Variants in ENTPD5 observed in about 807,000 individuals in gnomAD.
ENTPD5 encodes the protein nucleoside diphosphate phosphatase ENTPD5.
A neutral mutation model predicts 60.2 loss-of-function variants in ENTPD5; 49 were observed. The ratio of observed to expected loss-of-function variants is 0.81; its 90% CI spans 0.65 to 1.03. ENTPD5 has a LOEUF of 1.03. Among genes scored for constraint, ENTPD5 ranks in the 50% least tolerant of loss-of-function variants. ENTPD5 has a pLI of 0.00. For missense variants in ENTPD5, 480 were observed against 507.6 expected, an observed-to-expected ratio of 0.95 and a Z score of 0.52; for synonymous variants, 187 against 185.4, an observed-to-expected ratio of 1.01 and a Z score of -0.07.
At chr14:74,010,293 G>A (rs560990568) in intron 3 of ENTPD5, among the ~76,000 whole-genome samples, 5 of 152,226 alleles carry the variant, frequency 3.3e-5, no homozygotes, top group East Asian at 1.9e-4. Context: ...AGTGGCTCAC[G>A]CCTGTAATCC....
chr14:73,984,339 G>A (rs1236896724), intron 5 of ENTPD5, among the ~76,000 whole-genome samples: 1 of 152,202 alleles, frequency 6.6e-6, no homozygotes, highest in East Asian at 1.9e-4. Context: ...TCAAGTGTGG[G>A]ATGGTAGATA....
downstream of ENTPD5, chr14:73,958,676 G>A: frequency 7.5e-7 from 1 of 1,329,748 alleles, no homozygotes; most frequent in Non-Finnish European, 9.7e-7. Context: ...GCTCCAGTGT[G>A]TGCCCCATAC....
At chr14:73,988,873 G>C (rs2058017949) in intron 3 of ENTPD5, among the ~76,000 whole-genome samples, 1 of 152,056 alleles carries the variant, frequency 6.6e-6, no homozygotes, top group Admixed American at 6.6e-5. Flanking sequence ...GCCCAGGCTG[G>C]AATGCAGTGG....
rs35225003 is a variant in ENTPD5, at chr14:74,009,793, AT to A, written c.-71+1297del. ...CCCAGATAATTTTTGCATGTTTTCG[AT>A]TTTTTTTTTTTGAGACGGAGTCTCG... On this transcript the variant is annotated intron_variant, in intron 3 of 15. Transcript: ENST00000334696. Among the ~76,000 whole-genome samples the A allele has an allele frequency of 5.0e-3, 743 of 149,502 alleles. 3 individuals carry two copies. Among genetic ancestry groups the A allele is most frequent in the African/African-American group, 0.015 (623 of 40,562 alleles).
intron 2 of ENTPD5, among the ~76,000 whole-genome samples, chr14:74,013,688 G>T (rs1195710312): frequency 6.6e-6 from 1 of 152,040 alleles, no homozygotes; most frequent in Non-Finnish European, 1.5e-5. Context: ...TGACAATAAG[G>T]TTGTATATTC....
intron 6 of ENTPD5, among the ~76,000 whole-genome samples, chr14:73,978,985 A>T (rs2057559553): frequency 6.6e-6 from 1 of 152,090 alleles, no homozygotes; most frequent in African/African-American, 2.4e-5. Context: ...AACACCCCTT[A>T]ACCCTGCCTC....
chr14:73,995,052 T>A (rs2058289398), intron 3 of ENTPD5, among the ~76,000 whole-genome samples: 1 of 150,802 alleles, frequency 6.6e-6, no homozygotes, highest in Admixed American at 6.6e-5. Context: ...GGCAGAATTT[T>A]TTTTTTTTTT....
downstream of ENTPD5, chr14:73,962,868 C>T: frequency 9.9e-7 from 1 of 1,006,370 alleles, no homozygotes; most frequent in Non-Finnish European, 1.5e-6. Flanking sequence ...TGAAATAAAA[C>T]AAGGACACTT....
At chr14:74,018,626 AC>A (rs2140908237) in intron 1 of ENTPD5, 1 of 152,318 alleles carries the variant, frequency 6.6e-6, no homozygotes, top group African/African-American at 2.4e-5. Context: ...AAGGCTGCGG[AC>A]CGGTATTAGC....
intron 3 of ENTPD5, among the ~76,000 whole-genome samples, chr14:74,002,771 T>C (rs2058550721): frequency 6.6e-6 from 1 of 152,170 alleles, no homozygotes; most frequent in South Asian, 2.1e-4. Context: ...ACCAAAGTCA[T>C]CCTTTAATAT....
chr14:73,999,169 C>A (rs1566756246), intron 3 of ENTPD5, among the ~76,000 whole-genome samples: 1 of 152,106 alleles, frequency 6.6e-6, no homozygotes, highest in Non-Finnish European at 1.5e-5. Context: ...ATAAAAATAA[C>A]CGTAACTTTT....
At chr14:73,955,533 T>C, downstream of ENTPD5, 2 of 1,607,008 alleles carry the variant, frequency 1.2e-6, no homozygotes, top group Non-Finnish European at 1.7e-6. Flanking sequence ...TTTTCAATTT[T>C]GTCAAGATGT....
At chr14:73,978,894 G>C (rs1236907355) in intron 6 of ENTPD5, among the ~76,000 whole-genome samples, 1 of 151,180 alleles carries the variant, frequency 6.6e-6, no homozygotes, top group Admixed American at 6.6e-5. Flanking sequence ...TGGGCAACAA[G>C]AGCAAAATTC....
At position 73,975,902 on chromosome 14, in the gene ENTPD5, A is replaced by G. The variant is rs377009322; in HGVS notation, c.722+34T>C. 3.4e-5 allele frequency: 50 copies of G among 1,491,160 alleles called. No individual in the cohort carries two copies. In the African/African-American group the frequency reaches 6.7e-4, roughly 20 times the overall value. The allele number at this position is 1,491,160 out of a possible 1,614,324, so 92.4% of individuals were successfully genotyped here. A position where few individuals can be genotyped will look rare whatever the true frequency, so the allele number is the denominator to read the frequency against. ...TGGAAAGTTAGGAGAATCATACAAC[A>G]TGAAATATTCTTCTTCCCTGTCCCC... On this transcript the variant is annotated intron_variant, in intron 10 of 15. Transcript: ENST00000334696.
intron 3 of ENTPD5, chr14:74,008,996 G>A (rs1320054069): frequency 6.6e-6 from 1 of 152,122 alleles, no homozygotes; most frequent in African/African-American, 2.4e-5. Flanking sequence ...CATTAGACAC[G>A]TGTCAAAAAG....
At chr14:74,011,524 C>T (rs1259300619) in intron 2 of ENTPD5, among the ~76,000 whole-genome samples, 2 of 152,162 alleles carry the variant, frequency 1.3e-5, no homozygotes, top group Non-Finnish European at 2.9e-5. Context: ...AGACTGGGCG[C>T]AGCAACTCAC....
chr14:73,997,137 G>T (rs1413192145), intron 3 of ENTPD5, among the ~76,000 whole-genome samples: 1 of 152,092 alleles, frequency 6.6e-6, no homozygotes, highest in African/African-American at 2.4e-5. Flanking sequence ...ATTATCCTGG[G>T]AAAATGACAC....
chr14:74,004,857 T>C (rs1054979052), intron 3 of ENTPD5, among the ~76,000 whole-genome samples: 2 of 152,046 alleles, frequency 1.3e-5, no homozygotes, highest in Non-Finnish European at 2.9e-5. Flanking sequence ...TGACGAACTG[T>C]AAAAGGGGAC....
rs751428037 is a variant in ENTPD5 at position 73,975,954 on chromosome 14, T to C, written c.704A>G (p.Tyr235Cys). The C allele has an allele frequency of 1.2e-6, 2 of 1,612,930 alleles. No individual in the cohort carries two copies. Among genetic ancestry groups the C allele is most frequent in the South Asian group, 1.1e-5 (1 of 91,066 alleles). ...LTSFEMFNST[Y>C]KLYTHSYLGF... is the part of the protein sequence containing the mutation. ...TCCTCACCTATGTGTATAGAGCTTA[T>C]AAGTGCTGTTAAACATCTCAAAGGA... is the stretch of plus-strand genomic sequence containing the variant. Residue 235 changes from tyrosine to cysteine, a missense_variant, in exon 10 of 16, where the codon TAT becomes TGT. Coordinates refer to ENST00000334696, the MANE Select transcript of ENTPD5 (RefSeq NM_001249.5).
Sources: gnomAD v4.1 joint callset for allele counts (sites outside exome capture counted in the v4.1 genomes callset) on GRCh38, gnomAD v4.1.1 for gene constraint, MANE v1.5 for transcripts, NCBI Gene and HGNC (gene_info 2026-07-23, HGNC 2026-07-21) for gene names.